Variants in GRB10 observed in about 807,000 individuals in gnomAD.
The protein encoded by GRB10 is growth factor receptor bound protein 10.
GRB10 carries 20 observed loss-of-function variants against 80.9 expected under a neutral mutation model. The observed-to-expected ratio is 0.25, with a 90% CI of 0.17 to 0.36. The LOEUF (loss-of-function observed/expected upper bound fraction) is 0.36. GRB10 is among the 10% of genes least tolerant of loss of function. GRB10 has a pLI of 1.00. For synonymous variants in GRB10, 291 were observed against 291.5 expected (o/e 1.00, Z 0.02); for missense variants, 548 against 747.7 (o/e 0.73, Z 3.12).
At chr7:50,706,080 G>T (rs372374988) in intron 4 of GRB10, among the ~76,000 whole-genome samples, 3 of 152,162 alleles carry the variant, frequency 2.0e-5, no homozygotes, top group East Asian at 3.9e-4. Context: ...TCCATGCAAA[G>T]AAAATTTTTA....
chr7:50,700,825 A>G (rs1445813243), intron 5 of GRB10, among the ~76,000 whole-genome samples: 2 of 152,238 alleles, frequency 1.3e-5, no homozygotes, highest in Non-Finnish European at 2.9e-5. Flanking sequence ...GTCAAAGAAC[A>G]AGCATGAAAT....
intron 7 of GRB10, among the ~76,000 whole-genome samples, chr7:50,662,694 T>C (rs1371378315): frequency 6.6e-6 from 1 of 152,166 alleles, no homozygotes; most frequent in Non-Finnish European, 1.5e-5. Flanking sequence ...CATATGAAAA[T>C]AGTCTCTCCC....
chr7:50,680,026 G>A (rs2061378245), intron 5 of GRB10, among the ~76,000 whole-genome samples: 1 of 152,184 alleles, frequency 6.6e-6, no homozygotes, highest in Non-Finnish European at 1.5e-5. Flanking sequence ...ACATAAGTAA[G>A]TAGAATAAGA....
intron 12 of GRB10, among the ~76,000 whole-genome samples, 192 bp from the exon 13 acceptor site, chr7:50,613,031 A>G (rs910290963): frequency 6.6e-6 from 1 of 152,234 alleles, no homozygotes; most frequent in Non-Finnish European, 1.5e-5. Context: ...GACTTTATTA[A>G]GTGCCTACCA....
intron 3 of GRB10, among the ~76,000 whole-genome samples, chr7:50,747,407 T>C (rs2073151731): frequency 6.6e-6 from 1 of 152,236 alleles, no homozygotes; most frequent in Non-Finnish European, 1.5e-5. Flanking sequence ...ATGTTTTCCT[T>C]TCTTCCAGTG....
chr7:50,691,630 A>G (rs978661216), intron 5 of GRB10, among the ~76,000 whole-genome samples: 3 of 152,258 alleles, frequency 2.0e-5, no homozygotes, highest in African/African-American at 4.8e-5. Context: ...TAGGTTGCAG[A>G]ATAATCATTA....
At chr7:50,708,876 A>T (rs1420227497) in intron 4 of GRB10, among the ~76,000 whole-genome samples, 1 of 151,882 alleles carries the variant, frequency 6.6e-6, no homozygotes, top group Admixed American at 6.6e-5. Flanking sequence ...CGGTTTCACT[A>T]TGTTGGCCAG....
At chr7:50,792,598 C>T (rs990932020) in intron 1 of GRB10, 1 of 398,000 alleles carries the variant, frequency 2.5e-6, no homozygotes, top group Non-Finnish European at 4.4e-6. Flanking sequence ...TCCGCGAGCC[C>T]TCAACTTGGT....
intron 7 of GRB10, among the ~76,000 whole-genome samples, chr7:50,647,826 A>C (rs1344776463): frequency 6.6e-6 from 1 of 152,202 alleles, no homozygotes; most frequent in Non-Finnish European, 1.5e-5. Flanking sequence ...CAATTCTGGT[A>C]CACAGGCTGG....
chr7:50,718,328 A>AGC (rs2067200156), intron 4 of GRB10, among the ~76,000 whole-genome samples: 3 of 152,178 alleles, frequency 2.0e-5, no homozygotes, highest in Non-Finnish European at 2.9e-5. Context: ...AATGCCAGTC[A>AGC]GCCATCTGCA....
chr7:50,601,183 A>G (rs1427585144), intron 17 of GRB10, among the ~76,000 whole-genome samples: 1 of 152,232 alleles, frequency 6.6e-6, no homozygotes, highest in Non-Finnish European at 1.5e-5. Flanking sequence ...AAATCTTTTC[A>G]CTCGTATTTG....
At chr7:50,612,958 A>C in intron 12 of GRB10, 119 bp from the exon 13 acceptor site, 1 of 725,310 alleles carries the variant, frequency 1.4e-6, no homozygotes, top group South Asian at 1.5e-5. Flanking sequence ...CCCCCTAGCA[A>C]GGAGCACAGC....
chr7:50,633,765 A>T (rs4947740), intron 7 of GRB10, among the ~76,000 whole-genome samples: 33,811 of 152,118 alleles, frequency 0.22, 4,670 homozygotes, highest in Admixed American at 0.32. Context: ...TTCAAAAAAC[A>T]GTTGAAAGCT....
At chr7:50,707,054 T>G (rs1191237354) in intron 4 of GRB10, among the ~76,000 whole-genome samples, 1 of 152,254 alleles carries the variant, frequency 6.6e-6, no homozygotes. Flanking sequence ...TACTTTTGAT[T>G]CTTAAAAGTA....
chr7:50,598,182 C>A (rs1323244757), intron 17 of GRB10, among the ~76,000 whole-genome samples: 1 of 152,190 alleles, frequency 6.6e-6, no homozygotes, highest in East Asian at 1.9e-4. Context: ...TCTTCTCTTA[C>A]AGGACCATTG....
At position 50,708,015 on chromosome 7, in the gene GRB10, C is replaced by A. The variant is rs914872395; in HGVS notation, c.52-4107G>T. 5.9e-5 allele frequency among the ~76,000 whole-genome samples: 9 copies of A among 152,324 alleles called. No individual in the cohort carries two copies. The South Asian group carries it at 1.7e-3, about 28-fold the overall frequency. On this transcript the variant is annotated intron_variant, in intron 4 of 18. Coordinates refer to ENST00000401949, the MANE Select transcript of GRB10 (RefSeq NM_001350814.2). The stretch of plus-strand genomic sequence containing the variant: ...TCACCAGATTTAGCAAATACAAATA[C>A]AGGATGTCCAATTAAATTTGAATTT...
At chr7:50,790,563 A>G (rs1204180130) in intron 1 of GRB10, among the ~76,000 whole-genome samples, 1 of 152,276 alleles carries the variant, frequency 6.6e-6, no homozygotes, top group Non-Finnish European at 1.5e-5. Flanking sequence ...GCAAAGGCAC[A>G]GGCTTCCCCT....
At chr7:50,694,800 ATTACT>A (rs1315502577) in intron 5 of GRB10, among the ~76,000 whole-genome samples, 1 of 152,206 alleles carries the variant, frequency 6.6e-6, no homozygotes, top group Admixed American at 6.5e-5. Context: ...TTTAATTTAT[ATTACT>A]TTTTTTCCAT....
At chr7:50,734,701 AG>A (rs1482604587) in intron 3 of GRB10, among the ~76,000 whole-genome samples, 2 of 152,250 alleles carry the variant, frequency 1.3e-5, no homozygotes, top group Non-Finnish European at 2.9e-5. Flanking sequence ...TATTTGCCAA[AG>A]GAGATGGCTT....
Sources: gnomAD v4.1 joint callset for allele counts (sites outside exome capture counted in the v4.1 genomes callset) on GRCh38, gnomAD v4.1.1 for gene constraint, MANE v1.5 for transcripts, NCBI Gene and HGNC (gene_info 2026-07-23, HGNC 2026-07-21) for gene names.